The following DLC1 variants were observed in gnomAD, a reference collection of about 807,000 sequenced individuals.
DLC1 encodes the protein DLC1 Rho GTPase activating protein.
A neutral mutation model predicts 140.3 loss-of-function variants in DLC1; 54 were observed. That is an observed-to-expected ratio of 0.38 (90% confidence interval 0.31 to 0.48). DLC1 has a LOEUF of 0.48. DLC1 is among the 20% of genes least tolerant of loss of function. The probability of loss-of-function intolerance (pLI) is 0.96; values close to 1 mark genes in which losing one functional copy is unlikely to be tolerated. For synonymous variants in DLC1, 986 were observed against 728.1 expected (o/e 1.35, Z -5.70); for missense variants, 2,536 against 1,907.0 (o/e 1.33, Z -6.14).
intron 2 of DLC1, among the ~76,000 whole-genome samples, chr8:13,456,339 G>A (rs1434005550): frequency 6.6e-6 from 1 of 152,126 alleles, no homozygotes; most frequent in African/African-American, 2.4e-5. Flanking sequence ...ATATGTGAAA[G>A]TTTTTTTGCC....
chr8:13,591,477 C>A (rs1391079333), intron 1 of DLC1, among the ~76,000 whole-genome samples: 1 of 152,094 alleles, frequency 6.6e-6, no homozygotes, highest in African/African-American at 2.4e-5. Flanking sequence ...ATGTTTGCTT[C>A]CCCTTCCAAC....
intron 4 of DLC1, among the ~76,000 whole-genome samples, chr8:13,390,444 C>T (rs1217741734): frequency 6.6e-6 from 1 of 152,154 alleles, no homozygotes; most frequent in Non-Finnish European, 1.5e-5. Context: ...CATACATGTA[C>T]ATGTGTCTTT....
At position 13,276,482 on chromosome 8, in the gene DLC1, G is replaced by A. The variant is rs1046697238; in HGVS notation, c.1348+28787C>T. 5.3e-6 allele frequency: 7 copies of A among 1,332,678 alleles called. No homozygotes were observed. The African/African-American group carries it at 9.3e-5, about 18-fold the overall frequency. 82.6% of individuals were successfully genotyped at this position (1,332,678 alleles called of 1,614,324 possible). The stretch of plus-strand genomic sequence containing the variant: ...GCCCCGCGCTGTGCTCCCGGCCGCA[G>A]GCTGTCGCCTGCCTTCAGGAGGCCG... On this transcript the variant is annotated intron_variant, in intron 5 of 17. Coordinates refer to ENST00000276297, the MANE Select transcript of DLC1 (RefSeq NM_182643.3).
intron 1 of DLC1, among the ~76,000 whole-genome samples, chr8:13,563,333 A>G (rs565563034): frequency 1.3e-5 from 2 of 152,346 alleles, no homozygotes; most frequent in South Asian, 2.1e-4. Context: ...TGTGGTCACA[A>G]TGTGGCTGTT....
intron 1 of DLC1, among the ~76,000 whole-genome samples, chr8:13,564,879 C>G (rs187420821): frequency 2.0e-5 from 3 of 152,144 alleles, no homozygotes; most frequent in Admixed American, 1.3e-4. Context: ...ACTGGACTCT[C>G]TTTTCTATTC....
chr8:13,475,782 G>T (rs1423185980), intron 2 of DLC1, among the ~76,000 whole-genome samples: 1 of 152,188 alleles, frequency 6.6e-6, no homozygotes, highest in Non-Finnish European at 1.5e-5. Context: ...GGCAAGTGTT[G>T]GCTGTGTGGG....
At chr8:13,133,470 G>T in intron 5 of DLC1, 1 of 241,380 alleles carries the variant, frequency 4.1e-6, no homozygotes, top group Non-Finnish European at 6.2e-6. Flanking sequence ...CGTGGCCGCA[G>T]CCTCAGGCCG....
At chr8:13,167,435 A>T (rs1212297237) in intron 5 of DLC1, among the ~76,000 whole-genome samples, 1 of 152,126 alleles carries the variant, frequency 6.6e-6, no homozygotes, top group African/African-American at 2.4e-5. Flanking sequence ...GATTTAGCCG[A>T]GGTCCTTTCC....
intron 1 of DLC1, among the ~76,000 whole-genome samples, chr8:13,596,200 C>T (rs1407212617): frequency 6.6e-6 from 1 of 151,868 alleles, no homozygotes; most frequent in Non-Finnish European, 1.5e-5. Context: ...TGTCTTAGCA[C>T]CAAATTTTGT....
chr8:13,133,033 G>A, intron 5 of DLC1: 1 of 1,584,992 alleles, frequency 6.3e-7, no homozygotes, highest in Admixed American at 1.8e-5. Flanking sequence ...GGCAGGCGGA[G>A]GCGGCTCGGC....
chr8:13,571,584 C>T (rs189686981), intron 1 of DLC1, among the ~76,000 whole-genome samples: 235 of 152,238 alleles, frequency 1.5e-3, no homozygotes, highest in Admixed American at 2.8e-3. Context: ...GTACGTGTAA[C>T]GTGTATGTGT....
At chr8:13,151,696 C>T (rs1823826353) in intron 5 of DLC1, among the ~76,000 whole-genome samples, 1 of 152,140 alleles carries the variant, frequency 6.6e-6, no homozygotes, top group Non-Finnish European at 1.5e-5. Flanking sequence ...ACTCTTTGCA[C>T]CCAAGTATTT....
intron 1 of DLC1, among the ~76,000 whole-genome samples, chr8:13,549,884 C>G (rs531578007): frequency 5.3e-5 from 8 of 152,200 alleles, no homozygotes; most frequent in South Asian, 2.1e-4. Context: ...CCACTGTTTT[C>G]AAAAGTGGCT....
chr8:13,499,237 G>A lies in DLC1; in HGVS notation c.835C>T (p.Leu279=), dbSNP rs149040092. Residue 279 remains leucine, a synonymous_variant, in exon 2 of 18, where the codon CTG becomes TTG. Transcript: ENST00000276297. ...CCATTGGGGCAGGAAGGAGGCTGCAGAAGGCAGCTTCCAAAATCTGTTTTT... is the reference window on the plus strand; with the variant it reads ...CCATTGGGGCAGGAAGGAGGCTGCAAAAGGCAGCTTCCAAAATCTGTTTTT... ...LLKTDFGSCL[L]QPPSCPNGMS... is the part of the protein sequence containing the mutation. 2.4e-5 allele frequency: 38 copies of A among 1,614,212 alleles called. No homozygotes were observed. The African/African-American group carries it at 5.1e-4, about 22-fold the overall frequency.
intron 5 of DLC1, among the ~76,000 whole-genome samples, chr8:13,270,727 CCTTTT>C: frequency 6.6e-6 from 1 of 152,226 alleles, no homozygotes; most frequent in Non-Finnish European, 1.5e-5. Context: ...TGACATTTTA[CCTTTT>C]CTTTTCTTTT....
At chr8:13,557,548 G>A (rs1333422143) in intron 1 of DLC1, 10 of 152,186 alleles carry the variant, frequency 6.6e-5, no homozygotes, top group African/African-American at 2.2e-4. Flanking sequence ...CATGGGGGTG[G>A]TTTTCCCCTT....
At chr8:13,521,553 C>A (rs539171290) in intron 1 of DLC1, among the ~76,000 whole-genome samples, 1 of 152,232 alleles carries the variant, frequency 6.6e-6, no homozygotes, top group African/African-American at 2.4e-5. Context: ...TGTCTTCAGT[C>A]CCCTCAAAAT....
intron 5 of DLC1, among the ~76,000 whole-genome samples, chr8:13,260,393 G>A (rs1232307416): frequency 6.6e-6 from 1 of 152,188 alleles, no homozygotes; most frequent in African/African-American, 2.4e-5. Context: ...CACAGAAGGT[G>A]GACAGGACAG....
chr8:13,566,556 C>T (rs1804434958), intron 1 of DLC1, among the ~76,000 whole-genome samples: 2 of 152,198 alleles, frequency 1.3e-5, no homozygotes, highest in East Asian at 3.9e-4. Flanking sequence ...ATTTTTAAAT[C>T]TAGATGCATT....
Sources: allele counts gnomAD v4.1 joint callset (sites outside exome capture counted in the v4.1 genomes callset), GRCh38; gene constraint gnomAD v4.1.1; transcripts MANE v1.5; gene names NCBI Gene and HGNC (gene_info 2026-07-23, HGNC 2026-07-21).